The following ARHGAP24 variants were observed in gnomAD, a reference collection of about 807,000 sequenced individuals.
ARHGAP24 encodes Rho GTPase activating protein 24.
Under a neutral mutation model 76.4 loss-of-function variants are expected in ARHGAP24, and 50 were observed. The ratio of observed to expected loss-of-function variants is 0.65; its 90% CI spans 0.52 to 0.83. The LOEUF (loss-of-function observed/expected upper bound fraction) is 0.83. Among genes scored for constraint, ARHGAP24 ranks in the 40% least tolerant of loss-of-function variants. The pLI is 0.00. For synonymous variants in ARHGAP24, 345 were observed against 323.3 expected (o/e 1.07, Z -0.72); for missense variants, 930 against 914.2 (o/e 1.02, Z -0.22).
chr4:85,689,733 A>G (rs532274566), intron 2 of ARHGAP24, among the ~76,000 whole-genome samples: 70 of 152,284 alleles, frequency 4.6e-4, no homozygotes, highest in East Asian at 3.9e-4. Flanking sequence ...AAATTTTACT[A>G]AAGTCATTTA....
chr4:85,510,184 G>A (rs1724220129), intron 1 of ARHGAP24, among the ~76,000 whole-genome samples: 1 of 152,090 alleles, frequency 6.6e-6, no homozygotes, highest in Non-Finnish European at 1.5e-5. Context: ...TTGCCAAGAT[G>A]AGAAAAATAA....
intron 2 of ARHGAP24, among the ~76,000 whole-genome samples, chr4:85,678,012 C>G (rs890573509): frequency 6.6e-6 from 1 of 151,652 alleles, no homozygotes; most frequent in Non-Finnish European, 1.5e-5. Flanking sequence ...TGTGCTCCAG[C>G]CTGGGCCAAA....
chr4:85,543,701 G>A (rs920043318), intron 1 of ARHGAP24, among the ~76,000 whole-genome samples: 4 of 151,936 alleles, frequency 2.6e-5, no homozygotes, highest in East Asian at 1.9e-4. Flanking sequence ...TATGTAAGAC[G>A]ACATCACTAG....
intron 3 of ARHGAP24, among the ~76,000 whole-genome samples, chr4:85,799,374 A>G (rs1274848659): frequency 1.3e-5 from 2 of 152,172 alleles, no homozygotes; most frequent in African/African-American, 4.8e-5. Context: ...AACTTGAAAG[A>G]GCTTCTAATG....
At chr4:85,709,658 C>T (rs1280883382) in intron 2 of ARHGAP24, among the ~76,000 whole-genome samples, 1 of 152,134 alleles carries the variant, frequency 6.6e-6, no homozygotes, top group Non-Finnish European at 1.5e-5. Flanking sequence ...AAATCTCCTT[C>T]ACCTGATATA....
chr4:85,707,655 A>G (rs1318176191), intron 2 of ARHGAP24, among the ~76,000 whole-genome samples: 1 of 152,146 alleles, frequency 6.6e-6, no homozygotes, highest in East Asian at 1.9e-4. Flanking sequence ...CTTTGGACAC[A>G]TGTGCAGGAC....
chr4:85,583,663 A>G (rs1177321890), intron 2 of ARHGAP24, among the ~76,000 whole-genome samples: 1 of 151,632 alleles, frequency 6.6e-6, no homozygotes, highest in Non-Finnish European at 1.5e-5. Flanking sequence ...GCATCCTACA[A>G]AATGGGAGAA....
chr4:85,532,030 T>C (rs186674270), intron 1 of ARHGAP24, among the ~76,000 whole-genome samples: 4 of 152,266 alleles, frequency 2.6e-5, no homozygotes, highest in East Asian at 1.9e-4. Flanking sequence ...TAGATAGTGA[T>C]ACAAACAAAT....
intron 3 of ARHGAP24, among the ~76,000 whole-genome samples, chr4:85,819,089 G>A (rs908841169): frequency 6.6e-6 from 1 of 152,192 alleles, no homozygotes. Flanking sequence ...AAGCTGTATG[G>A]AAACTCCTAT....
chr4:85,729,443 T>A (rs1479567719), intron 3 of ARHGAP24, among the ~76,000 whole-genome samples: 1 of 152,236 alleles, frequency 6.6e-6, no homozygotes, highest in African/African-American at 2.4e-5. Flanking sequence ...AAAATGTTTT[T>A]AATCCTTTGG....
chr4:85,529,771 C>A (rs1424907413), intron 1 of ARHGAP24, among the ~76,000 whole-genome samples: 1 of 151,924 alleles, frequency 6.6e-6, no homozygotes, highest in Non-Finnish European at 1.5e-5. Flanking sequence ...GATTAGCAGA[C>A]AATAAAAATA....
intron 2 of ARHGAP24, among the ~76,000 whole-genome samples, chr4:85,699,712 C>G (rs1724001293): frequency 6.6e-6 from 1 of 152,088 alleles, no homozygotes; most frequent in African/African-American, 2.4e-5. Context: ...ACTTTCTCTA[C>G]TGTTTTTTCT....
intron 3 of ARHGAP24, among the ~76,000 whole-genome samples, chr4:85,788,782 A>G (rs1304809652): frequency 2.6e-5 from 4 of 152,220 alleles, no homozygotes; most frequent in East Asian, 1.9e-4. Flanking sequence ...AACTGAGCCC[A>G]TACTGGTAAT....
intron 1 of ARHGAP24, among the ~76,000 whole-genome samples, chr4:85,535,591 A>G (rs921081594): frequency 6.6e-6 from 1 of 152,210 alleles, no homozygotes; most frequent in Non-Finnish European, 1.5e-5. Context: ...TCATTTCCAA[A>G]GCAAATGTTG....
chr4:85,681,424 G>GT (rs1723200445), intron 2 of ARHGAP24, among the ~76,000 whole-genome samples: 1 of 152,154 alleles, frequency 6.6e-6, no homozygotes, highest in African/African-American at 2.4e-5. Context: ...TAAACATGAT[G>GT]TAAGTTCAAG....
intron 3 of ARHGAP24, among the ~76,000 whole-genome samples, chr4:85,849,409 T>G (rs574371944): frequency 3.3e-5 from 5 of 152,194 alleles, no homozygotes; most frequent in African/African-American, 4.8e-5. Context: ...ACAATTTGAC[T>G]TCCTCCTTTC....
At chr4:85,531,153 G>A (rs1347921037) in intron 1 of ARHGAP24, among the ~76,000 whole-genome samples, 1 of 151,932 alleles carries the variant, frequency 6.6e-6, no homozygotes, top group African/African-American at 2.4e-5. Flanking sequence ...CAGTTGGCCT[G>A]ATCTACAGGG....
At chr4:85,622,058 TA>T (rs1720736886) in intron 2 of ARHGAP24, among the ~76,000 whole-genome samples, 1 of 152,052 alleles carries the variant, frequency 6.6e-6, no homozygotes, top group Non-Finnish European at 1.5e-5. Context: ...TTGCTTGTCT[TA>T]AGATATTTTC....
At chr4:85,890,817 A>C (rs919683406) in intron 3 of ARHGAP24, among the ~76,000 whole-genome samples, 1 of 152,218 alleles carries the variant, frequency 6.6e-6, no homozygotes, top group African/African-American at 2.4e-5. Context: ...ATTTTTAAGC[A>C]GAAAAGTTAT....
Sources: gnomAD v4.1 joint callset for allele counts (sites outside exome capture counted in the v4.1 genomes callset) on GRCh38, gnomAD v4.1.1 for gene constraint, MANE v1.5 for transcripts, NCBI Gene and HGNC (gene_info 2026-07-23, HGNC 2026-07-21) for gene names.